ANXA8: variants seen among roughly 807,000 people sequenced by gnomAD.
The protein encoded by ANXA8 is VAC-beta.
A neutral mutation model predicts 26.8 loss-of-function variants in ANXA8; 9 were observed. The ratio of observed to expected loss-of-function variants is 0.34; its 90% confidence interval spans 0.20 to 0.59. The LOEUF is 0.59. ANXA8 is among the 20% of genes least tolerant of loss of function. The pLI, the probability that ANXA8 is intolerant of heterozygous loss-of-function variation, is 0.84. For synonymous variants in ANXA8, 39 were observed against 94.8 expected, an observed-to-expected ratio of 0.41 and a Z score of 3.42; for missense variants, 83 against 238.5, an observed-to-expected ratio of 0.35 and a Z score of 4.29.
At chr10:47,662,035 CA>C in the ANXA8 span, among the ~76,000 whole-genome samples, 1 of 140,454 alleles carries the variant, frequency 7.1e-6, no homozygotes, top group African/African-American at 3.0e-5. Flanking sequence ...CTTCACCTCC[CA>C]GGTTCAAGCA....
chr10:47,718,818 G>A, the ANXA8 span, among the ~76,000 whole-genome samples: 1 of 14,392 alleles, frequency 6.9e-5, no homozygotes, highest in Non-Finnish European at 1.1e-4. Context: ...CCTTTAAATT[G>A]ACTATGGAGA....
chr10:47,712,680 CTTTAGTTTGAA>C, the ANXA8 span, among the ~76,000 whole-genome samples: 1 of 45,370 alleles, frequency 2.2e-5, no homozygotes, highest in Non-Finnish European at 4.4e-5. Flanking sequence ...TTCTTTATAC[CTTTAGTTTGAA>C]TTTCATATGT....
the ANXA8 span, among the ~76,000 whole-genome samples, chr10:47,508,930 C>A: frequency 1.6e-5 from 2 of 127,800 alleles, no homozygotes; most frequent in Non-Finnish European, 3.1e-5. Context: ...CCACTGACAA[C>A]AGTGCACTAC....
At chr10:47,958,712 C>CA in the ANXA8 span, among the ~76,000 whole-genome samples, 28 of 147,648 alleles carry the variant, frequency 1.9e-4, no homozygotes, top group Non-Finnish European at 3.0e-5. Flanking sequence ...AAGAAACACC[C>CA]AAGACTGGGT....
At chr10:47,691,074 TA>T in the ANXA8 span, 2 of 1,611,108 alleles carry the variant, frequency 1.2e-6, no homozygotes, top group African/African-American at 2.7e-5. Context: ...GTGAAGGAAA[TA>T]AACATAAAAT....
chr10:47,658,095 T>C, the ANXA8 span, among the ~76,000 whole-genome samples: 3 of 151,992 alleles, frequency 2.0e-5, no homozygotes, highest in East Asian at 3.9e-4. Flanking sequence ...TAGGGCCGGG[T>C]GCCGGTGGCT....
At chr10:47,582,069 G>A in the ANXA8 span, 1 of 151,116 alleles carries the variant, frequency 6.6e-6, no homozygotes, top group South Asian at 2.1e-4. Flanking sequence ...CATAATCAGT[G>A]CTATTAAGTT....
the ANXA8 span, among the ~76,000 whole-genome samples, chr10:47,584,117 T>C: frequency 1.3e-5 from 2 of 148,258 alleles, no homozygotes; most frequent in South Asian, 2.1e-4. Flanking sequence ...AGGTTGAAGC[T>C]ATAGTGAGCC....
the ANXA8 span, among the ~76,000 whole-genome samples, chr10:47,693,140 T>A: frequency 1.3e-5 from 2 of 151,596 alleles, no homozygotes; most frequent in Non-Finnish European, 2.9e-5. Flanking sequence ...TTAAGCTTAA[T>A]AAAATATCTA....
the ANXA8 span, among the ~76,000 whole-genome samples, chr10:47,956,952 T>C: frequency 6.7e-6 from 1 of 150,282 alleles, no homozygotes; most frequent in South Asian, 2.1e-4. Context: ...AAACAAAGGA[T>C]GTAGGAAATA....
At chr10:47,747,267 T>G in the ANXA8 span, among the ~76,000 whole-genome samples, 7 of 152,084 alleles carry the variant, frequency 4.6e-5, no homozygotes, top group Non-Finnish European at 1.0e-4. Context: ...CAGCTGGAAC[T>G]GAAGGGGCCA....
the ANXA8 span, among the ~76,000 whole-genome samples, chr10:47,703,584 T>C: frequency 4.1e-5 from 6 of 146,950 alleles, 1 homozygote; most frequent in African/African-American, 7.5e-5. Context: ...AAAAAAAAAA[T>C]ACAAAACACA....
chr10:47,669,136 G>A, the ANXA8 span, among the ~76,000 whole-genome samples: 126 of 151,932 alleles, frequency 8.3e-4, no homozygotes, highest in African/African-American at 2.9e-3. Context: ...TAATCCTCTA[G>A]AATTTTGCCT....
chr10:47,584,663 A>T, the ANXA8 span, among the ~76,000 whole-genome samples: 1 of 87,010 alleles, frequency 1.1e-5, no homozygotes, highest in South Asian at 4.2e-4. Flanking sequence ...TCACCCCTAC[A>T]TCTATAATCA....
At chr10:47,692,979 C>T in the ANXA8 span, among the ~76,000 whole-genome samples, 16 of 151,576 alleles carry the variant, frequency 1.1e-4, no homozygotes, top group Admixed American at 5.3e-4. Flanking sequence ...AGGTGATCCG[C>T]CCACCTCGCC....
the ANXA8 span, among the ~76,000 whole-genome samples, chr10:47,888,982 ATG>A: frequency 0.56 from 56,385 of 101,180 alleles, 14,497 homozygotes; most frequent in South Asian, 0.66. Flanking sequence ...TATAATATAT[ATG>A]TGTGTGTGTG....
the ANXA8 span, among the ~76,000 whole-genome samples, chr10:47,536,886 G>C: frequency 1.9e-5 from 2 of 104,228 alleles, no homozygotes; most frequent in African/African-American, 1.1e-4. Flanking sequence ...AAAGAGAAAG[G>C]TAGAGCTGCT....
the ANXA8 span, among the ~76,000 whole-genome samples, chr10:47,656,289 T>C: frequency 1.3e-5 from 2 of 151,422 alleles, no homozygotes; most frequent in Non-Finnish European, 2.9e-5. Context: ...TCCCAGCTAC[T>C]TGAGAGGCTG....
chr10:47,595,061 T>C, the ANXA8 span, among the ~76,000 whole-genome samples: 1 of 148,714 alleles, frequency 6.7e-6, no homozygotes, highest in South Asian at 2.1e-4. Context: ...AGACTAACAG[T>C]GGACTTCTCA....
Sources: gnomAD v4.1 joint callset for allele counts (sites outside exome capture counted in the v4.1 genomes callset) on GRCh38, gnomAD v4.1.1 for gene constraint, MANE v1.5 for transcripts, NCBI Gene and HGNC (gene_info 2026-07-23, HGNC 2026-07-21) for gene names.